FRMPD4: variants seen among roughly 807,000 people sequenced by gnomAD.
The protein encoded by FRMPD4 is FERM and PDZ domain-containing protein 4.
FRMPD4 carries 22 observed loss-of-function variants against 94.1 expected under a neutral mutation model. That is an observed-to-expected ratio of 0.23 (90% confidence interval 0.17 to 0.33). The LOEUF (loss-of-function observed/expected upper bound fraction) is 0.33, where lower values mean the gene tolerates loss of function less well. Among genes scored for constraint, FRMPD4 ranks in the 10% least tolerant of loss-of-function variants. FRMPD4 has a pLI of 1.00. For synonymous variants in FRMPD4, 631 were observed against 548.6 expected, an observed-to-expected ratio of 1.15 and a Z score of -2.10; for missense variants, 1,111 against 1,339.9, an observed-to-expected ratio of 0.83 and a Z score of 2.67.
In FRMPD4 at chrX:12,084,037, G is replaced by C. The variant is rs1291237171; in HGVS notation, c.95+206019G>C. Among the ~76,000 whole-genome samples the C allele has an allele frequency of 2.7e-5, 3 of 110,740 alleles. No individual in the cohort carries two copies. The East Asian group carries it at 8.5e-4, about 32-fold the overall frequency. ...AAGACTTTGGGGGACTGTTGGGAAG[G>C]CGTGATTGCTTTTGAAATGTAAGGA... On this transcript the variant is annotated intron_variant, in intron 3 of 18. Coordinates refer to the FRMPD4 transcript ENST00000640291.
intron 1 of FRMPD4, among the ~76,000 whole-genome samples, chrX:12,445,837 A>C (rs937449787): frequency 3.5e-5 from 4 of 113,031 alleles, no homozygotes; most frequent in Non-Finnish European, 5.6e-5. Context: ...CTGTTTTAAA[A>C]GATTTTGGCA....
intron 3 of FRMPD4, among the ~76,000 whole-genome samples, chrX:11,944,686 C>T (rs1044119869): frequency 1.9e-4 from 21 of 111,464 alleles, no homozygotes; most frequent in Admixed American, 1.3e-3. Flanking sequence ...ACTGAGGCCA[C>T]TGAGAGCAGT....
chrX:11,843,978 C>CTTTTTTTTTTT (rs1193068056), intron 1 of FRMPD4, among the ~76,000 whole-genome samples: 1 of 61,405 alleles, frequency 1.6e-5, no homozygotes, highest in African/African-American at 7.1e-5. Flanking sequence ...GTTATGAATT[C>CTTTTTTTTTTT]TTTTTTTTTT....
At chrX:11,930,525 T>C (rs1229655998) in intron 3 of FRMPD4, among the ~76,000 whole-genome samples, 1 of 111,225 alleles carries the variant, frequency 9.0e-6, no homozygotes, top group African/African-American at 3.3e-5. Context: ...CACCACAAGC[T>C]GAAAGAGGCA....
chrX:12,098,125 G>A (rs902934107), intron 3 of FRMPD4, among the ~76,000 whole-genome samples: 3 of 111,952 alleles, frequency 2.7e-5, no homozygotes, highest in Admixed American at 9.5e-5. Flanking sequence ...CACTAGAATG[G>A]CATTTGTTTG....
chrX:11,966,506 T>C (rs763236129), intron 3 of FRMPD4, among the ~76,000 whole-genome samples: 151 of 110,838 alleles, frequency 1.4e-3, no homozygotes, highest in Non-Finnish European at 2.5e-3. Flanking sequence ...AGTATTTTAT[T>C]ATAGCAGCCC....
At chrX:12,675,535 C>T (rs1021688361) in intron 5 of FRMPD4, among the ~76,000 whole-genome samples, 4 of 110,849 alleles carry the variant, frequency 3.6e-5, no homozygotes, top group East Asian at 2.8e-4. Flanking sequence ...AGGTATGCAA[C>T]GATCACCCCA....
At chrX:12,371,404 G>C (rs2056160489) in intron 1 of FRMPD4, among the ~76,000 whole-genome samples, 1 of 112,500 alleles carries the variant, frequency 8.9e-6, no homozygotes, top group African/African-American at 3.2e-5. Flanking sequence ...AAGAAGAGAA[G>C]AAAAAGCATG....
At chrX:11,935,072 A>T (rs867823331) in intron 3 of FRMPD4, among the ~76,000 whole-genome samples, 17 of 40,239 alleles carry the variant, frequency 4.2e-4, no homozygotes, top group African/African-American at 1.1e-3. Flanking sequence ...ACTATTGGTG[A>T]TTTTTTTTTT....
rs751642199 is a variant in FRMPD4, at chrX:12,716,747, G to A, written c.2288G>A (p.Gly763Glu). The A allele has an allele frequency of 1.1e-5, 13 of 1,211,464 alleles. No homozygotes were observed. The highest frequency in any genetic ancestry group is 1.5e-5 in the Non-Finnish European group (13 of 895,064). Residue 763 changes from glycine to glutamate, a missense_variant, in exon 15 of 17, where the codon GGG (glycine) becomes GAG (glutamate). Coordinates refer to ENST00000675598, the MANE Select transcript of FRMPD4 (RefSeq NM_001368397.1). ...EVSCEEDLVVGEMNQPAILNL... is the reference protein window; with the variant it reads ...EVSCEEDLVVEEMNQPAILNL... ...AGCTGCGAGGAGGACCTCGTGGTGG[G>A]GGAGATGAACCAGCCGGCCATCCTC...
chrX:12,427,897 C>CTTTT (rs139267482), intron 1 of FRMPD4, among the ~76,000 whole-genome samples: 10 of 54,755 alleles, frequency 1.8e-4, no homozygotes, highest in Non-Finnish European at 2.5e-4. Context: ...CCTTTTTTCT[C>CTTTT]TTTTTTTTTT....
chrX:11,993,240 A>G (rs1261134193), intron 3 of FRMPD4, among the ~76,000 whole-genome samples: 1 of 110,871 alleles, frequency 9.0e-6, no homozygotes, highest in Non-Finnish European at 1.9e-5. Flanking sequence ...TGGAGAAGGT[A>G]TGGGTACCCT....
intron 1 of FRMPD4, among the ~76,000 whole-genome samples, chrX:12,218,329 T>A (rs1251050511): frequency 9.0e-6 from 1 of 111,684 alleles, no homozygotes; most frequent in African/African-American, 3.3e-5. Flanking sequence ...AACGAAATAT[T>A]AGGGATTGTT....
chrX:12,206,057 AAC>A (rs2056688845), intron 1 of FRMPD4, among the ~76,000 whole-genome samples: 1 of 112,215 alleles, frequency 8.9e-6, no homozygotes, highest in Non-Finnish European at 1.9e-5. Context: ...CTTCTTCAAG[AAC>A]ACATGACTTT....
At chrX:12,690,149 G>A (rs369117704) in intron 7 of FRMPD4, 46 bp from the exon 8 acceptor site, 2 of 1,121,257 alleles carry the variant, frequency 1.8e-6, no homozygotes, top group African/African-American at 1.8e-5. Context: ...TCCACAAGAT[G>A]GCAGCTTCGA....
At chrX:11,898,568 A>G (rs1469028863) in intron 3 of FRMPD4, among the ~76,000 whole-genome samples, 1 of 112,088 alleles carries the variant, frequency 8.9e-6, no homozygotes, top group East Asian at 2.8e-4. Context: ...AAGTGAGGTG[A>G]TGAATATGTT....
At chrX:12,631,758 C>T (rs944260157) in intron 4 of FRMPD4, among the ~76,000 whole-genome samples, 4 of 112,341 alleles carry the variant, frequency 3.6e-5, no homozygotes, top group Non-Finnish European at 5.6e-5. Context: ...TCCATCACTT[C>T]GTCAGTGTTG....
intron 3 of FRMPD4, among the ~76,000 whole-genome samples, chrX:11,908,003 C>T (rs2147334403): frequency 9.1e-6 from 1 of 109,634 alleles, no homozygotes; most frequent in African/African-American, 3.3e-5. Flanking sequence ...CCTCCTCTTC[C>T]TACTGTGTCC....
In FRMPD4 at chrX:12,155,619, G is replaced by A. The variant is rs1419658827; in HGVS notation, c.41+16607G>A. Among the ~76,000 whole-genome samples the A allele has an allele frequency of 1.0e-4, 10 of 96,337 alleles. No homozygotes were observed. The East Asian group carries it at 2.2e-3, about 21-fold the overall frequency. The allele number at this position is 96,337 out of a possible 115,157, so 83.7% of individuals were successfully genotyped here. On this transcript the variant is annotated intron_variant, in intron 1 of 16. Transcript: ENST00000675598. ...AAAAAAAAAAAAAAAAAGGACCAAAGGTAAGGAGACGAAAGCAAGGTATGT... is the reference window on the plus strand; with the variant it reads ...AAAAAAAAAAAAAAAAAGGACCAAAAGTAAGGAGACGAAAGCAAGGTATGT...
Sources: gnomAD v4.1 joint callset for allele counts (sites outside exome capture counted in the v4.1 genomes callset) on GRCh38, gnomAD v4.1.1 for gene constraint, MANE v1.5 for transcripts, NCBI Gene and HGNC (gene_info 2026-07-23, HGNC 2026-07-21) for gene names.